Variants in GAPVD1 observed in about 807,000 individuals in gnomAD.
The protein encoded by GAPVD1 is GTPase-activating protein and VPS9 domain-containing protein 1.
Under a neutral mutation model 155.5 loss-of-function variants are expected in GAPVD1, and 35 were observed. That is an observed-to-expected ratio of 0.23 (90% CI 0.17 to 0.30). GAPVD1 has a LOEUF of 0.30. GAPVD1 is among the 10% of genes least tolerant of loss of function. GAPVD1 has a pLI of 1.00. For missense variants in GAPVD1, 1,429 were observed against 1,775.7 expected, an observed-to-expected ratio of 0.80 and a Z score of 3.51; for synonymous variants, 636 against 619.7, an observed-to-expected ratio of 1.03 and a Z score of -0.39.
rs373419106 is a variant in GAPVD1, at chr9:125,298,290, A to G, written c.-32-600A>G. On this transcript the variant is annotated intron_variant, in intron 3 of 27. Coordinates refer to ENST00000297933, the MANE Select transcript of GAPVD1 (RefSeq NM_001282680.3). ...GGATAACTCTGGGGTTAACAAATAG[A>G]CATTGTATTTGAGGATATACACAGG... Among the ~76,000 whole-genome samples, 132 of 152,294 alleles carry G rather than the reference A, an allele frequency of 8.7e-4. 2 individuals are homozygous for G. In the South Asian group the frequency reaches 0.025, roughly 29 times the overall value.
intron 1 of GAPVD1, among the ~76,000 whole-genome samples, chr9:125,265,970 AG>A (rs1037639138): frequency 1.6e-4 from 24 of 146,812 alleles, no homozygotes; most frequent in South Asian, 1.1e-3. Flanking sequence ...TGTTAGGAGG[AG>A]GAAAAAAAAA....
chr9:125,360,481 G>A (rs1217465906), intron 26 of GAPVD1, 47 bp from the exon 27 acceptor site: 11 of 1,496,962 alleles, frequency 7.3e-6, no homozygotes, highest in Non-Finnish European at 5.6e-6. Context: ...ACTGCGCAGG[G>A]TTGCCACTGG....
intron 27 of GAPVD1, among the ~76,000 whole-genome samples, chr9:125,362,112 C>T (rs1304212923): frequency 6.6e-6 from 1 of 152,186 alleles, no homozygotes; most frequent in Non-Finnish European, 1.5e-5. Flanking sequence ...AACCATTTAA[C>T]AGCCTGTGCC....
At chr9:125,361,681 A>G (rs921033662) in intron 27 of GAPVD1, among the ~76,000 whole-genome samples, 5 of 151,820 alleles carry the variant, frequency 3.3e-5, no homozygotes, top group Admixed American at 2.6e-4. Flanking sequence ...AAACTTACCA[A>G]TCTCCTTCCT....
At chr9:125,276,761 G>A (rs1835857327) in intron 2 of GAPVD1, among the ~76,000 whole-genome samples, 1 of 152,048 alleles carries the variant, frequency 6.6e-6, no homozygotes, top group Admixed American at 6.6e-5. Flanking sequence ...TTAGTTGCAG[G>A]TTTTTTTGTT....
Position 125,366,154 on chromosome 9 carries a change from A to G in GAPVD1, c.*3408A>G, listed in dbSNP as rs1851459128. On this transcript the variant is annotated 3_prime_UTR_variant, in exon 28 of 28. Coordinates refer to ENST00000297933, the MANE Select transcript of GAPVD1 (RefSeq NM_001282680.3). ...TGTGCTGCATGGTTTTTCTATTCCT[A>G]TGTCCTGGAAGCCTTTGTTTAAAGT... 6.6e-6 allele frequency: 1 copy of G among 152,142 alleles called. No homozygotes were observed. The highest frequency in any genetic ancestry group is 1.5e-5 in the Non-Finnish European group (1 of 68,038). 9.4% of individuals were successfully genotyped at this position (152,142 alleles called of 1,614,324 possible).
chr9:125,301,270 A>G (rs1840810967), intron 4 of GAPVD1, among the ~76,000 whole-genome samples: 1 of 152,164 alleles, frequency 6.6e-6, no homozygotes, highest in South Asian at 2.1e-4. Context: ...GGGTTTCACC[A>G]TATTTTCCAG....
At chr9:125,274,107 TC>T (rs1157881689) in intron 2 of GAPVD1, among the ~76,000 whole-genome samples, 1 of 151,910 alleles carries the variant, frequency 6.6e-6, no homozygotes, top group Non-Finnish European at 1.5e-5. Flanking sequence ...AACCTCTGCC[TC>T]CCCGGTTCAA....
At chr9:125,286,977 G>A (rs957275485) in intron 2 of GAPVD1, among the ~76,000 whole-genome samples, 1 of 151,908 alleles carries the variant, frequency 6.6e-6, no homozygotes, top group Non-Finnish European at 1.5e-5. Flanking sequence ...CTAGCTACTC[G>A]GGAGGCTGAG....
chr9:125,299,109 A>T lies in GAPVD1; in HGVS notation c.185+3A>T. 2.6e-6 allele frequency: 4 copies of T among 1,536,996 alleles called. No individual in the cohort carries two copies. The highest frequency in any genetic ancestry group is 3.4e-4 in the Middle Eastern group (2 of 5,806). ...TTGGATCGGCTTATCATAACCAGGT[A>T]AAGAGATGATTTTCAGGTTTTAAGT... is the stretch of plus-strand genomic sequence containing the variant. On this transcript the variant is annotated splice_donor_region_variant and intron_variant, in intron 4 of 27. Coordinates refer to ENST00000297933, the MANE Select transcript of GAPVD1 (RefSeq NM_001282680.3).
At chr9:125,289,184 C>G (rs921323676) in intron 2 of GAPVD1, among the ~76,000 whole-genome samples, 1 of 152,042 alleles carries the variant, frequency 6.6e-6, no homozygotes, top group Non-Finnish European at 1.5e-5. Flanking sequence ...TATATGGTCT[C>G]CTGGTAATAG....
intron 2 of GAPVD1, among the ~76,000 whole-genome samples, chr9:125,292,076 A>T (rs1223382642): frequency 3.3e-5 from 5 of 152,060 alleles, no homozygotes. Flanking sequence ...TGTCTCCACA[A>T]AAAGCAAATT....
Position 125,314,069 on chromosome 9 carries a change from A to G in GAPVD1, c.1602+1457A>G, listed in dbSNP as rs994224385. Among the ~76,000 whole-genome samples the G allele has an allele frequency of 2.0e-5, 3 of 152,248 alleles. No individual in the cohort carries two copies. In the South Asian group the frequency reaches 6.2e-4, roughly 32 times the overall value. ...AAGGAATTTTCCAGGCAGTAGCAGA[A>G]GAGAGATGAAGCCAGGAGATTGTGG... On this transcript the variant is annotated intron_variant, in intron 9 of 27. Coordinates refer to ENST00000297933, the MANE Select transcript of GAPVD1 (RefSeq NM_001282680.3).
In GAPVD1 at chr9:125,330,109, G is replaced by T. The variant is rs757892892; in HGVS notation, c.2064G>T (p.Leu688Phe). 5.0e-6 allele frequency: 8 copies of T among 1,612,326 alleles called. No individual in the cohort carries two copies. Among genetic ancestry groups the T allele is most frequent in the Middle Eastern group, 1.7e-4 (1 of 6,056 alleles). ...GAAAENMLGS[L>F]LCLPGSGSVL... ...CAGCAGAGAACATGTTAGGCAGTTT[G>T]CTGTGCCTCCCAGGTTCAGGGTCAG... The change falls in exon 13 of 28, where the codon TTG (leucine) becomes TTT (phenylalanine). Residue 688 changes from leucine to phenylalanine, a missense_variant. Physicochemically the swap from Leu to Phe is conservative, Grantham distance 22. Coordinates refer to ENST00000297933, the MANE Select transcript of GAPVD1 (RefSeq NM_001282680.3).
intron 17 of GAPVD1, among the ~76,000 whole-genome samples, chr9:125,340,677 A>G (rs1226813691): frequency 3.3e-5 from 5 of 151,972 alleles, no homozygotes; most frequent in African/African-American, 1.2e-4. Flanking sequence ...ATAAGTATTT[A>G]TTGAGTGCCT....
Position 125,326,592 on chromosome 9 carries a change from A to T in GAPVD1, c.2032+3A>T. The T allele has an allele frequency of 6.2e-7, 1 of 1,602,116 alleles. No homozygotes were observed. The highest frequency in any genetic ancestry group is 2.2e-5 in the East Asian group (1 of 44,832). ...AGATCGCTTGCAAGAAATTGCAGGT[A>T]ACTGCCATTTAATGTCTCTGAAATA... On this transcript the variant is annotated splice_donor_region_variant and intron_variant, in intron 12 of 27. Coordinates refer to ENST00000297933, the MANE Select transcript of GAPVD1 (RefSeq NM_001282680.3).
At chr9:125,361,917 A>G (rs1277933820) in intron 27 of GAPVD1, among the ~76,000 whole-genome samples, 1 of 152,036 alleles carries the variant, frequency 6.6e-6, no homozygotes, top group African/African-American at 2.4e-5. Context: ...ATGTCTTACT[A>G]TTTCTTAGTG....
intron 19 of GAPVD1, among the ~76,000 whole-genome samples, chr9:125,344,123 T>A (rs1848207655): frequency 1.3e-5 from 2 of 152,220 alleles, no homozygotes; most frequent in South Asian, 4.1e-4. Flanking sequence ...TTCTACCCAG[T>A]CCTTATTAAT....
intron 10 of GAPVD1, among the ~76,000 whole-genome samples, chr9:125,322,692 G>GA (rs1461735934): frequency 7.3e-5 from 11 of 150,786 alleles, no homozygotes; most frequent in Admixed American, 7.3e-4. Flanking sequence ...ACCTCACATG[G>GA]CATATCATAA....
Sources: gnomAD v4.1 joint callset for allele counts (sites outside exome capture counted in the v4.1 genomes callset) on GRCh38, gnomAD v4.1.1 for gene constraint, MANE v1.5 for transcripts, NCBI Gene and HGNC (gene_info 2026-07-23, HGNC 2026-07-21) for gene names.